Variants in MAPK10 observed in about 807,000 individuals in gnomAD.
MAPK10 encodes the protein mitogen-activated protein kinase 10, also known as JNK3 alpha protein kinase.
A neutral mutation model predicts 59.3 loss-of-function variants in MAPK10; 25 were observed. The observed-to-expected ratio is 0.42, with a 90% CI of 0.31 to 0.59. The LOEUF (loss-of-function observed/expected upper bound fraction) is 0.59, where lower values mean the gene tolerates loss of function less well. Ranked by LOEUF, MAPK10 falls within the 20% of genes least tolerant of loss-of-function variation. MAPK10 has a pLI of 0.15. For missense variants in MAPK10, 351 were observed against 568.9 expected, an observed-to-expected ratio of 0.62 and a Z score of 3.90; for synonymous variants, 190 against 200.5, an observed-to-expected ratio of 0.95 and a Z score of 0.44.
intron 1 of MAPK10, among the ~76,000 whole-genome samples, chr4:86,494,323 G>A (rs1754699017): frequency 6.6e-6 from 1 of 152,204 alleles, no homozygotes; most frequent in Non-Finnish European, 1.5e-5. Context: ...CATGTTCAGA[G>A]CAAGAATCCA....
rs748250296 is a variant in MAPK10 at position 86,138,985 on chromosome 4, G to GAGTCAGAAGCTTATGTT, written c.236+20312_236+20313insAACATAAGCTTCTGACT. 1.2e-3 allele frequency among the ~76,000 whole-genome samples: 130 copies of GAGTCAGAAGCTTATGTT among 107,344 alleles called. 2 individuals are homozygous for GAGTCAGAAGCTTATGTT. Among genetic ancestry groups the GAGTCAGAAGCTTATGTT allele is most frequent in the Middle Eastern group, 5.2e-3 (1 of 192 alleles). The allele number at this position is 107,344 out of a possible 152,430, so 70.4% of individuals were successfully genotyped here. A position where few individuals can be genotyped will look rare whatever the true frequency, so the allele number is the denominator to read the frequency against. ...GAATCCAATTTACAAGGGATGTGAA[G>GAGTCAGAAGCTTATGTT]GACCTCTTCAAGGAGAACTACAAAC... On this transcript the variant is annotated intron_variant, in intron 4 of 13. Coordinates refer to ENST00000641462, the MANE Select transcript of MAPK10 (RefSeq NM_138982.4).
chr4:86,064,398 A>G lies in MAPK10; in HGVS notation c.986-8T>C. 6.2e-7 allele frequency: 1 copy of G among 1,610,578 alleles called. No homozygotes were observed. Among genetic ancestry groups the G allele is most frequent in the African/African-American group, 1.3e-5 (1 of 74,858 alleles). ...AGTCCCTGGCTTGGCTGGCTGAAACAATAAATGAGAAAAACAATTAGTAAG... is the reference window on the plus strand; with the variant it reads ...AGTCCCTGGCTTGGCTGGCTGAAACGATAAATGAGAAAAACAATTAGTAAG... On this transcript the variant is annotated splice_region_variant and splice_polypyrimidine_tract_variant and intron_variant, in intron 10 of 13. Transcript: ENST00000641462.
At chr4:86,521,310 A>G (rs1235474952) in intron 1 of MAPK10, among the ~76,000 whole-genome samples, 1 of 152,114 alleles carries the variant, frequency 6.6e-6, no homozygotes. Context: ...GTTGGCCAGA[A>G]TGAGTACTTG....
At chr4:86,314,111 T>C (rs949218531) in intron 2 of MAPK10, among the ~76,000 whole-genome samples, 10 of 152,170 alleles carry the variant, frequency 6.6e-5, no homozygotes, top group African/African-American at 2.4e-4. Flanking sequence ...ATGCCATTTA[T>C]ATCAAGTTCA....
At chr4:86,191,010 G>C (rs2079604195) in intron 3 of MAPK10, among the ~76,000 whole-genome samples, 1 of 152,138 alleles carries the variant, frequency 6.6e-6, no homozygotes, top group Non-Finnish European at 1.5e-5. Flanking sequence ...TTACCCAGTA[G>C]TCATTTAGGA....
Position 86,011,260 on chromosome 4 carries a change from G to T in MAPK10, c.*5968C>A, listed in dbSNP as rs1183613605. 1.3e-5 allele frequency: 2 copies of T among 152,236 alleles called. No homozygotes were observed. The highest frequency in any genetic ancestry group is 2.4e-5 in the African/African-American group (1 of 41,444). 9.4% of individuals were successfully genotyped at this position (152,236 alleles called of 1,614,324 possible). Reference sequence around the variant, plus strand: ...CACATAGAGTGGCTCCCAACATAAAGTGATCTGTGATGGCAGGACTTTCAG... The same window carrying T: ...CACATAGAGTGGCTCCCAACATAAATTGATCTGTGATGGCAGGACTTTCAG... On this transcript the variant is annotated 3_prime_UTR_variant, in exon 14 of 14. Transcript: ENST00000641462.
intron 9 of MAPK10, among the ~76,000 whole-genome samples, chr4:86,096,298 C>T (rs894465068): frequency 1.3e-5 from 2 of 151,660 alleles, no homozygotes; most frequent in African/African-American, 4.8e-5. Context: ...GTGGGAGGGG[C>T]ACCTCCAAGA....
At chr4:86,524,399 C>A (rs1455181561) in intron 1 of MAPK10, among the ~76,000 whole-genome samples, 2 of 152,134 alleles carry the variant, frequency 1.3e-5, no homozygotes, top group Non-Finnish European at 2.9e-5. Flanking sequence ...TCACTTCTAC[C>A]TTACCTTCCA....
intron 1 of MAPK10, among the ~76,000 whole-genome samples, chr4:86,388,022 T>TA (rs1480502928): frequency 7.4e-5 from 11 of 149,634 alleles, no homozygotes; most frequent in Non-Finnish European, 1.2e-4. Flanking sequence ...AATAAAAATA[T>TA]AAAAAACAAT....
chr4:86,478,292 G>T (rs1753288296), intron 1 of MAPK10, among the ~76,000 whole-genome samples: 1 of 152,106 alleles, frequency 6.6e-6, no homozygotes, highest in Non-Finnish European at 1.5e-5. Flanking sequence ...AGCTTTCCCT[G>T]ACTCATCCCA....
Position 86,159,170 on chromosome 4 carries a change from C to A in MAPK10, c.236+128G>T, listed in dbSNP as rs544632126. ...GCTCATAATGTTATTTTTTTTTCTT[C>A]AGTAGGATTATTTTTCCCTCCCAAA... is the stretch of plus-strand genomic sequence containing the variant. On this transcript the variant is annotated intron_variant, in intron 4 of 13. Transcript: ENST00000641462. 11 of 621,196 alleles carry A rather than the reference C, an allele frequency of 1.8e-5. No homozygotes were observed. In the South Asian group the frequency reaches 4.5e-4, roughly 25 times the overall value. 38.5% of individuals were successfully genotyped at this position (621,196 alleles called of 1,614,324 possible). A position where few individuals can be genotyped will look rare whatever the true frequency, so the allele number is the denominator to read the frequency against.
At chr4:86,099,475 T>A (rs947359563) in intron 8 of MAPK10, 3 of 152,362 alleles carry the variant, frequency 2.0e-5, no homozygotes, top group Admixed American at 2.0e-4. Flanking sequence ...AATTGTTCCA[T>A]GGGGAAGGAA....
chr4:86,192,988 G>A (rs1336383671), intron 3 of MAPK10: 1 of 152,202 alleles, frequency 6.6e-6, no homozygotes, highest in Non-Finnish European at 1.5e-5. Context: ...TGATGTTGAT[G>A]CTATTCCTTT....
chr4:86,384,274 A>G (rs1741167461), intron 1 of MAPK10: 1 of 152,232 alleles, frequency 6.6e-6, no homozygotes, highest in Non-Finnish European at 1.5e-5. Context: ...GTTTTCAGGC[A>G]CAAAATAAAT....
At chr4:86,089,641 G>T (rs1404553428) in intron 9 of MAPK10, 1 of 164,762 alleles carries the variant, frequency 6.1e-6, no homozygotes, top group Non-Finnish European at 1.3e-5. Flanking sequence ...GTGTTAATAT[G>T]CAAATCAGTT....
At chr4:86,165,599 G>T (rs6531899) in intron 3 of MAPK10, among the ~76,000 whole-genome samples, 1 of 135,434 alleles carries the variant, frequency 7.4e-6, no homozygotes, top group Non-Finnish European at 1.5e-5. Context: ...TGAGGTCTCA[G>T]TATGTTGCCC....
chr4:86,396,093 C>T (rs1742889391), intron 1 of MAPK10, among the ~76,000 whole-genome samples: 1 of 152,180 alleles, frequency 6.6e-6, no homozygotes. Flanking sequence ...CGCCTGTAAT[C>T]CCAGCACTTT....
At chr4:86,305,820 C>CAA (rs34255377) in intron 2 of MAPK10, among the ~76,000 whole-genome samples, 2 of 112,030 alleles carry the variant, frequency 1.8e-5, no homozygotes, top group Non-Finnish European at 1.8e-5. Flanking sequence ...ACTCCATCTC[C>CAA]AAAAAAAAAA....
At chr4:86,175,478 A>G (rs1432037876) in intron 3 of MAPK10, among the ~76,000 whole-genome samples, 1 of 152,074 alleles carries the variant, frequency 6.6e-6, no homozygotes, top group Non-Finnish European at 1.5e-5. Flanking sequence ...TGACTGGATC[A>G]TGGGGGTGGT....
Sources: allele counts gnomAD v4.1 joint callset (sites outside exome capture counted in the v4.1 genomes callset), GRCh38; gene constraint gnomAD v4.1.1; transcripts MANE v1.5; gene names NCBI Gene and HGNC (gene_info 2026-07-23, HGNC 2026-07-21).